Variants in NBEA observed in about 807,000 individuals in gnomAD.
The protein encoded by NBEA is neurobeachin, also known as lysosomal-trafficking regulator 2.
A neutral mutation model predicts 343.4 loss-of-function variants in NBEA; 44 were observed. That is an observed-to-expected ratio of 0.13 (90% CI 0.10 to 0.16). The LOEUF is 0.16. Ranked by LOEUF, NBEA falls within the 10% of genes least tolerant of loss-of-function variation. NBEA has a pLI of 1.00. For missense variants in NBEA, 2,555 were observed against 3,631.3 expected (o/e 0.70, Z 7.62); for synonymous variants, 1,175 against 1,238.7 (o/e 0.95, Z 1.08).
At chr13:35,019,647 T>C (rs1406983456) in intron 1 of NBEA, among the ~76,000 whole-genome samples, 2 of 152,182 alleles carry the variant, frequency 1.3e-5, no homozygotes, top group African/African-American at 4.8e-5. Context: ...TCTGGGGTTT[T>C]GTTTGCAGGA....
intron 51 of NBEA, among the ~76,000 whole-genome samples, chr13:35,647,695 T>C (rs1008046510): frequency 1.3e-5 from 2 of 152,012 alleles, no homozygotes; most frequent in Non-Finnish European, 2.9e-5. Flanking sequence ...GCCTCCCGAG[T>C]AGCCGGGATT....
intron 10 of NBEA, among the ~76,000 whole-genome samples, chr13:35,087,372 T>C (rs574310130): frequency 1.3e-5 from 2 of 152,026 alleles, no homozygotes; most frequent in South Asian, 4.1e-4. Flanking sequence ...TATAAGGAAA[T>C]TTTAGAGTAC....
Position 35,309,573 on chromosome 13 carries a change from G to A in NBEA, c.5884G>A (p.Glu1962Lys). ...IQKNAGLAFIELINEGRLLCH... is the reference protein window; with the variant it reads ...IQKNAGLAFIKLINEGRLLCH... ...GAAGAATGCAGGACTTGCATTTATTGAGCTCATCAATGAAGGAAGGTAATT... is the reference window on the plus strand; with the variant it reads ...GAAGAATGCAGGACTTGCATTTATTAAGCTCATCAATGAAGGAAGGTAATT... Residue 1962 changes from glutamate to lysine, a missense_variant, in exon 36 of 59, where the codon GAG becomes AAG. Coordinates refer to ENST00000379939, the MANE Select transcript of NBEA (RefSeq NM_001385012.1). 6.3e-7 allele frequency: 1 copy of A among 1,588,668 alleles called. No individual in the cohort carries two copies. Among genetic ancestry groups the A allele is most frequent in the Non-Finnish European group, 8.6e-7 (1 of 1,168,136 alleles).
intron 34 of NBEA, among the ~76,000 whole-genome samples, chr13:35,282,457 G>C (rs1286308210): frequency 1.3e-5 from 2 of 152,068 alleles, no homozygotes; most frequent in Admixed American, 1.3e-4. Flanking sequence ...TTTAATTAAG[G>C]CTTTTGAAAT....
At position 35,665,115 on chromosome 13, in the gene NBEA, C is replaced by A; in HGVS notation, c.8393C>A (p.Thr2798Lys). Residue 2798 changes from threonine (T) to lysine (K), a missense_variant, in exon 56 of 59, where the codon ACA becomes AAA. Physicochemically the swap from Thr to Lys is moderately conservative, Grantham distance 78. This residue lies in a region of NBEA where 186 missense variants were observed against 328.9 expected (regional missense o/e 0.57). Transcript: ENST00000379939. ...TATCCGGCACCAAGAGCCGTCCTCACAGGCCATGACCATGAAGTTGTCTGT... is the reference window on the plus strand; with the variant it reads ...TATCCGGCACCAAGAGCCGTCCTCAAAGGCCATGACCATGAAGTTGTCTGT... Reference protein sequence around the residue: ...SDYPAPRAVLTGHDHEVVCVS... With the variant: ...SDYPAPRAVLKGHDHEVVCVS... The A allele has an allele frequency of 6.3e-7, 1 of 1,582,560 alleles. No homozygotes were observed. The highest frequency in any genetic ancestry group is 8.6e-7 in the Non-Finnish European group (1 of 1,161,918).
At chr13:34,943,596 T>C (rs1373981386) in intron 1 of NBEA, among the ~76,000 whole-genome samples, 1 of 152,140 alleles carries the variant, frequency 6.6e-6, no homozygotes, top group African/African-American at 2.4e-5. Context: ...AGCTGGGGTG[T>C]GATGTTTTCG....
chr13:35,110,990 A>G lies in NBEA; in HGVS notation c.2002+12A>G. ...ACCTAAAGGATTAGGTATGTATACCACTTCCACTGTATTTACATTTGCCTA... is the reference window on the plus strand; with the variant it reads ...ACCTAAAGGATTAGGTATGTATACCGCTTCCACTGTATTTACATTTGCCTA... On this transcript the variant is annotated intron_variant, in intron 13 of 58. Coordinates refer to ENST00000379939, the MANE Select transcript of NBEA (RefSeq NM_001385012.1). The G allele has an allele frequency of 6.3e-7, 1 of 1,584,512 alleles. No homozygotes were observed. The highest frequency in any genetic ancestry group is 8.6e-7 in the Non-Finnish European group (1 of 1,158,066).
At chr13:34,982,084 A>G (rs996431877) in intron 1 of NBEA, among the ~76,000 whole-genome samples, 1 of 151,734 alleles carries the variant, frequency 6.6e-6, no homozygotes, top group African/African-American at 2.4e-5. Flanking sequence ...TTATGTTCTT[A>G]TTATTACTTT....
intron 27 of NBEA, among the ~76,000 whole-genome samples, chr13:35,174,162 T>C (rs1383589952): frequency 6.6e-6 from 1 of 152,124 alleles, no homozygotes; most frequent in Non-Finnish European, 1.5e-5. Flanking sequence ...AGTCATACCA[T>C]AGACTTCATT....
intron 38 of NBEA, among the ~76,000 whole-genome samples, chr13:35,429,104 G>A (rs569101084): frequency 1.8e-4 from 28 of 152,184 alleles, no homozygotes; most frequent in Non-Finnish European, 5.9e-5. Context: ...AGTGGGGAGG[G>A]GGAGGGATGC....
intron 28 of NBEA, among the ~76,000 whole-genome samples, chr13:35,181,830 C>A (rs1383339489): frequency 6.6e-6 from 1 of 151,708 alleles, no homozygotes; most frequent in Non-Finnish European, 1.5e-5. Context: ...ATACTTCTGG[C>A]TCATATTGAG....
At chr13:35,119,465 C>T (rs1370437573) in intron 16 of NBEA, among the ~76,000 whole-genome samples, 2 of 152,150 alleles carry the variant, frequency 1.3e-5, no homozygotes, top group Admixed American at 1.3e-4. Context: ...GAAGCAATCA[C>T]TATCTCTTTA....
At chr13:35,454,216 G>A (rs1469819757) in intron 40 of NBEA, among the ~76,000 whole-genome samples, 1 of 152,170 alleles carries the variant, frequency 6.6e-6, no homozygotes, top group Non-Finnish European at 1.5e-5. Flanking sequence ...AAGGGCCACA[G>A]AAATATGCTG....
intron 35 of NBEA, among the ~76,000 whole-genome samples, chr13:35,298,322 A>G (rs1193941097): frequency 6.7e-6 from 1 of 149,980 alleles, no homozygotes; most frequent in Non-Finnish European, 1.5e-5. Flanking sequence ...AGAATATAGT[A>G]GGTCTTCAAA....
At chr13:35,495,444 T>C (rs1199296478) in intron 41 of NBEA, among the ~76,000 whole-genome samples, 1 of 152,032 alleles carries the variant, frequency 6.6e-6, no homozygotes, top group Non-Finnish European at 1.5e-5. Flanking sequence ...AATACCCCGC[T>C]TTCAATAATG....
In NBEA at chr13:35,585,131, T is replaced by TAAAAA. The variant is rs775053482; in HGVS notation, c.7176+1100_7176+1104dup. Among the ~76,000 whole-genome samples, 4 of 71,448 alleles carry TAAAAA rather than the reference T, an allele frequency of 5.6e-5. 1 individual carries two copies. Among genetic ancestry groups the TAAAAA allele is most frequent in the African/African-American group, 1.8e-4 (3 of 16,600 alleles). The allele number at this position is 71,448 out of a possible 152,430, so 46.9% of individuals were successfully genotyped here. A position where few individuals can be genotyped will look rare whatever the true frequency, so the allele number is the denominator to read the frequency against. On this transcript the variant is annotated intron_variant, in intron 46 of 58. Coordinates refer to ENST00000379939, the MANE Select transcript of NBEA (RefSeq NM_001385012.1). ...AAATATATTTAAGTCTCACTGACCTTAAAAAAAAAAAGCCTCCTGCCAGCC... is the reference window on the plus strand; with the variant it reads ...AAATATATTTAAGTCTCACTGACCTTAAAAAAAAAAAAAAAAGCCTCCTGCCAGCC...
chr13:35,400,752 A>T (rs868775753), intron 38 of NBEA, among the ~76,000 whole-genome samples: 1 of 152,054 alleles, frequency 6.6e-6, no homozygotes, highest in African/African-American at 2.4e-5. Context: ...GATTCAGACT[A>T]TGGGATGATC....
chr13:35,459,017 C>CCCCA (rs1555270534), intron 40 of NBEA, among the ~76,000 whole-genome samples: 1 of 74,952 alleles, frequency 1.3e-5, no homozygotes, highest in African/African-American at 6.1e-5. Flanking sequence ...CCCCCCCCCC[C>CCCCA]CACACACACA....
At chr13:35,063,800 A>G (rs1276314172) in intron 8 of NBEA, among the ~76,000 whole-genome samples, 2 of 151,992 alleles carry the variant, frequency 1.3e-5, no homozygotes, top group Non-Finnish European at 2.9e-5. Context: ...GATAAAGCAT[A>G]TCTAAAATAT....
Sources: gnomAD v4.1 joint callset for allele counts (sites outside exome capture counted in the v4.1 genomes callset) on GRCh38, gnomAD v4.1.1 for gene constraint, gnomAD v4.1.1 regional missense constraint, MANE v1.5 for transcripts, NCBI Gene and HGNC (gene_info 2026-07-23, HGNC 2026-07-21) for gene names.